EMID1: variants seen among roughly 807,000 people sequenced by gnomAD.
EMID1 encodes EMI domain-containing protein 1.
A neutral mutation model predicts 60.6 loss-of-function variants in EMID1; 40 were observed. The ratio of observed to expected loss-of-function variants is 0.66; its 90% CI spans 0.51 to 0.86. The LOEUF is 0.86. Among genes scored for constraint, EMID1 ranks in the 40% least tolerant of loss-of-function variants. The pLI is 0.00. For synonymous variants in EMID1, 242 were observed against 231.0 expected (o/e 1.05, Z -0.43); for missense variants, 585 against 597.1 (o/e 0.98, Z 0.21).
intron 1 of EMID1, among the ~76,000 whole-genome samples, chr22:29,208,436 T>C (rs1057391966): frequency 5.9e-5 from 9 of 152,176 alleles, no homozygotes; most frequent in African/African-American, 1.9e-4. Flanking sequence ...CCTGCCCCGC[T>C]GAGGTCCTTC....
intron 14 of EMID1, 50 bp downstream of exon 14, chr22:29,254,337 C>A (rs1214510702): frequency 2.5e-6 from 4 of 1,571,810 alleles, no homozygotes; most frequent in Non-Finnish European, 3.5e-6. Context: ...TGCCTGCCAG[C>A]CTTCCCCAAG....
intron 14 of EMID1, chr22:29,255,203 GC>G: frequency 1.2e-5 from 1 of 81,290 alleles, no homozygotes; most frequent in Non-Finnish European, 2.9e-5. Flanking sequence ...CACCCTCCCC[GC>G]TTGGCTCCCC....
intron 3 of EMID1, among the ~76,000 whole-genome samples, chr22:29,221,066 CGTGTGTGTGTGTGTGTGTGT>C (rs59651061): frequency 0.16 from 15,912 of 100,080 alleles, 1,370 homozygotes; most frequent in South Asian, 0.33. Flanking sequence ...GGGGTGGGAA[CGTGTGTGTGTGTGTGTGTGT>C]GTGTGTGTGT....
intron 5 of EMID1, among the ~76,000 whole-genome samples, chr22:29,227,850 C>A (rs764934465): frequency 2.6e-5 from 4 of 151,774 alleles, no homozygotes; most frequent in Non-Finnish European, 5.9e-5. Context: ...CTCATCTTTA[C>A]TAAAAATACA....
chr22:29,231,272 C>T lies in EMID1; in HGVS notation c.586+132C>T, dbSNP rs1410932518. ...AGTGGGCCTCAGTCTTCCCATTTCCCGTTTCTTAGACCCGCCTAAGAGGAC... is the reference window on the plus strand; with the variant it reads ...AGTGGGCCTCAGTCTTCCCATTTCCTGTTTCTTAGACCCGCCTAAGAGGAC... On this transcript the variant is annotated intron_variant, in intron 6 of 14. Coordinates refer to ENST00000334018, the MANE Select transcript of EMID1 (RefSeq NM_133455.4). The T allele has an allele frequency of 8.1e-6, 11 of 1,361,010 alleles. 1 individual carries two copies. The highest frequency in any genetic ancestry group is 2.8e-5 in the Admixed American group (1 of 35,966). 84.3% of individuals were successfully genotyped at this position (1,361,010 alleles called of 1,614,324 possible).
chr22:29,232,509 G>C, intron 8 of EMID1, 107 bp downstream of exon 8: 1 of 1,272,664 alleles, frequency 7.9e-7, no homozygotes, highest in South Asian at 1.6e-5. Context: ...CCCTGCTCAC[G>C]ATAGGCCACA....
intron 1 of EMID1, among the ~76,000 whole-genome samples, chr22:29,211,166 G>A (rs2039867174): frequency 6.6e-6 from 1 of 152,114 alleles, no homozygotes; most frequent in Non-Finnish European, 1.5e-5. Flanking sequence ...GACTGTGACT[G>A]TGTGCCCCTC....
intron 13 of EMID1, 101 bp from the exon 14 acceptor site, chr22:29,254,102 C>A: frequency 6.3e-7 from 1 of 1,587,030 alleles, no homozygotes. Context: ...TAGTGTGGGG[C>A]TGCAGGTGCA....
chr22:29,259,131 TGAGAG>T lies in EMID1; in HGVS notation c.*194_*198del, dbSNP rs2058073912. On this transcript the variant is annotated 3_prime_UTR_variant, in exon 15 of 15. Transcript: ENST00000334018. Reference sequence around the variant, plus strand: ...CACATGTCTGAGGCTGAGCAAGGGCTGAGAGGAGAGGCTTGGGCCTCAGTTTCCCT... The same window carrying T: ...CACATGTCTGAGGCTGAGCAAGGGCTGAGAGGCTTGGGCCTCAGTTTCCCT... The T allele has an allele frequency of 9.9e-6, 9 of 907,524 alleles. No homozygotes were observed. Among genetic ancestry groups the T allele is most frequent in the South Asian group, 5.6e-5 (3 of 53,998 alleles). The allele number at this position is 907,524 out of a possible 1,614,324, so 56.2% of individuals were successfully genotyped here.
At chr22:29,227,704 CAAAAAA>C (rs560219761) in intron 5 of EMID1, among the ~76,000 whole-genome samples, 1 of 88,952 alleles carries the variant, frequency 1.1e-5, no homozygotes, top group Non-Finnish European at 2.1e-5. Context: ...GACTCTGTCT[CAAAAAA>C]AAAAAAAAAA....
chr22:29,246,475 G>T (rs2041335870), intron 13 of EMID1, among the ~76,000 whole-genome samples: 1 of 152,110 alleles, frequency 6.6e-6, no homozygotes, highest in East Asian at 1.9e-4. Context: ...GCCGGGCAGT[G>T]GGTGGGAGCC....
chr22:29,256,963 A>G (rs2041728539), intron 14 of EMID1, among the ~76,000 whole-genome samples: 1 of 152,142 alleles, frequency 6.6e-6, no homozygotes, highest in Admixed American at 6.5e-5. Context: ...TCTTACAGAG[A>G]GGGGCCAAGG....
At chr22:29,214,670 C>T (rs2040016794) in intron 1 of EMID1, among the ~76,000 whole-genome samples, 1 of 152,066 alleles carries the variant, frequency 6.6e-6, no homozygotes, top group Admixed American at 6.5e-5. Flanking sequence ...TCCATCTTTC[C>T]CCTGCCATTC....
chr22:29,235,527 T>C (rs2040914929), intron 12 of EMID1, among the ~76,000 whole-genome samples: 1 of 152,074 alleles, frequency 6.6e-6, no homozygotes, highest in Non-Finnish European at 1.5e-5. Flanking sequence ...TTTTTCCCTT[T>C]TCTTTTCTTG....
chr22:29,220,507 T>G (rs952731948), intron 3 of EMID1, among the ~76,000 whole-genome samples: 20 of 151,886 alleles, frequency 1.3e-4, no homozygotes, highest in African/African-American at 4.8e-4. Context: ...AGACCTGGAC[T>G]GGGGCTGGGA....
chr22:29,257,217 G>C (rs2041735927), intron 14 of EMID1, among the ~76,000 whole-genome samples: 1 of 152,184 alleles, frequency 6.6e-6, no homozygotes, highest in Non-Finnish European at 1.5e-5. Context: ...GGGGGACTGG[G>C]AAATGGGACA....
At position 29,238,915 on chromosome 22, in the gene EMID1, A is replaced by G. The variant is rs1476268454; in HGVS notation, c.1075-4530A>G. Among the ~76,000 whole-genome samples, 20 of 143,704 alleles carry G rather than the reference A, an allele frequency of 1.4e-4. 4 individuals carry two copies. Among genetic ancestry groups the G allele is most frequent in the African/African-American group, 2.8e-5 (1 of 36,178 alleles). 94.3% of individuals were successfully genotyped at this position (143,704 alleles called of 152,430 possible). On this transcript the variant is annotated intron_variant, in intron 12 of 14. Coordinates refer to ENST00000334018, the MANE Select transcript of EMID1 (RefSeq NM_133455.4). ...CTTGTCATTTCTTGGCATTTATCCTATATGGTATTCCCTTATCTTCCTAGA... is the reference window on the plus strand; with the variant it reads ...CTTGTCATTTCTTGGCATTTATCCTGTATGGTATTCCCTTATCTTCCTAGA...
intron 12 of EMID1, among the ~76,000 whole-genome samples, chr22:29,236,006 T>C (rs1447657690): frequency 1.3e-5 from 2 of 152,124 alleles, no homozygotes; most frequent in African/African-American, 4.8e-5. Context: ...TTAAAGTCAG[T>C]TTCTTATAGA....
intron 1 of EMID1, among the ~76,000 whole-genome samples, chr22:29,210,745 C>A (rs546743914): frequency 8.5e-5 from 13 of 152,266 alleles, no homozygotes; most frequent in South Asian, 8.3e-4. Context: ...TCTAGCTCCT[C>A]CCTGGTAAAA....
Sources: allele counts gnomAD v4.1 joint callset (sites outside exome capture counted in the v4.1 genomes callset), GRCh38; gene constraint gnomAD v4.1.1; transcripts MANE v1.5; gene names NCBI Gene and HGNC (gene_info 2026-07-23, HGNC 2026-07-21).